Variants in GRTP1 observed in about 807,000 individuals in gnomAD.
The protein encoded by GRTP1 is growth hormone-regulated TBC protein 1.
A neutral mutation model predicts 38.1 loss-of-function variants in GRTP1; 56 were observed. The observed-to-expected ratio is 1.47, with a 90% CI of 1.19 to 1.84. GRTP1 has a LOEUF of 1.84. Ranked by LOEUF, GRTP1 falls within the 40% of genes most tolerant of loss-of-function variation. The pLI is 0.00. For synonymous variants in GRTP1, 217 were observed against 189.5 expected, an observed-to-expected ratio of 1.14 and a Z score of -1.19; for missense variants, 506 against 453.9, an observed-to-expected ratio of 1.11 and a Z score of -1.04.
intron 3 of GRTP1, 41 bp from the exon 4 acceptor site, chr13:113,351,014 C>T: frequency 1.9e-6 from 3 of 1,609,640 alleles, no homozygotes; most frequent in Non-Finnish European, 2.5e-6. Context: ...GGTTTCTGTT[C>T]CACAAGCCTC....
In GRTP1 at chr13:113,325,756, A is replaced by G; in HGVS notation, c.826T>C (p.Leu276=). 10 of 1,613,940 alleles carry G rather than the reference A, an allele frequency of 6.2e-6. No homozygotes were observed. Among genetic ancestry groups the G allele is most frequent in the Non-Finnish European group, 8.5e-6 (10 of 1,179,950 alleles). ...GGAACGCTGGTGGCTTCCAAAATCA[A>G]CTCCTGGTGCTGCTTAATTAAGGTC... ...ALTLIKQHQE[L]ILEATSVPDI... The change falls in exon 7 of 8, where the codon TTG becomes CTG. Residue 276 remains leucine (L), a synonymous_variant. Transcript: ENST00000375431.
At chr13:113,333,838 A>AGT (rs1555314877) in intron 5 of GRTP1, among the ~76,000 whole-genome samples, 20 of 23,594 alleles carry the variant, frequency 8.5e-4, no homozygotes, top group African/African-American at 1.3e-3. Flanking sequence ...TTATTTATTT[A>AGT]GTGTGTGTGT....
At chr13:113,332,786 G>C (rs1595479325) in intron 5 of GRTP1, among the ~76,000 whole-genome samples, 1 of 152,250 alleles carries the variant, frequency 6.6e-6, no homozygotes, top group African/African-American at 2.4e-5. Flanking sequence ...GCCCAGAGTA[G>C]CCTGTCCTGC....
intron 4 of GRTP1, among the ~76,000 whole-genome samples, chr13:113,345,978 TTTTGTGGCCGA>T (rs1566428478): frequency 7.3e-6 from 1 of 137,728 alleles, no homozygotes; most frequent in Admixed American, 7.1e-5. Flanking sequence ...CCAGGAGGAC[TTTTGTGGCCGA>T]GAGTGGACCC....
intron 2 of GRTP1, among the ~76,000 whole-genome samples, chr13:113,358,370 G>A (rs1247059922): frequency 6.6e-6 from 1 of 152,110 alleles, no homozygotes; most frequent in Non-Finnish European, 1.5e-5. Context: ...AGATTGCAAG[G>A]CTCACTCTTA....
At chr13:113,345,872 A>G (rs184088438) in intron 4 of GRTP1, among the ~76,000 whole-genome samples, 1 of 152,326 alleles carries the variant, frequency 6.6e-6, no homozygotes, top group Admixed American at 6.5e-5. Flanking sequence ...AGAGAAGATC[A>G]TGTTCCAGAA....
rs114129375 is a variant in GRTP1, at chr13:113,329,804, G to T, written c.563-3713C>A. On this transcript the variant is annotated intron_variant, in intron 5 of 7. Coordinates refer to ENST00000375431, the MANE Select transcript of GRTP1 (RefSeq NM_024719.4). ...ACTGATAGGGGTAGTGGGCGGTTCC[G>T]ATCTTTATCTAGACTTCTCCCTCTT... Among the ~76,000 whole-genome samples, 6 of 152,316 alleles carry T rather than the reference G, an allele frequency of 3.9e-5. No homozygotes were observed. The East Asian group carries it at 9.6e-4, about 24-fold the overall frequency.
intron 2 of GRTP1, among the ~76,000 whole-genome samples, chr13:113,357,950 G>T (rs543120301): frequency 6.6e-6 from 1 of 152,188 alleles, no homozygotes; most frequent in Admixed American, 6.6e-5. Context: ...AGGCCAAGGC[G>T]GGTGGATCAC....
chr13:113,347,963 G>T (rs540263554), intron 4 of GRTP1, among the ~76,000 whole-genome samples: 33 of 151,316 alleles, frequency 2.2e-4, no homozygotes, highest in African/African-American at 7.3e-4. Context: ...GACCCGGGAG[G>T]ACCTCTGTGG....
chr13:113,332,447 C>T (rs1450959409), intron 5 of GRTP1, among the ~76,000 whole-genome samples: 3 of 129,640 alleles, frequency 2.3e-5, no homozygotes, highest in South Asian at 5.0e-4. Context: ...CACGTGCACA[C>T]GCACACCTGC....
At position 113,345,671 on chromosome 13, in the gene GRTP1, T is replaced by C. The variant is rs140519549; in HGVS notation, c.466-712A>G. On this transcript the variant is annotated intron_variant, in intron 4 of 7. Transcript: ENST00000375431. The stretch of plus-strand genomic sequence containing the variant: ...CAAGATCAATTCACGTGATCGGAAG[T>C]GCGGAGGGGCAGCTGCAGAGAGCGA... Among the ~76,000 whole-genome samples the C allele has an allele frequency of 2.3e-4, 35 of 152,246 alleles. 1 individual carries two copies. In the East Asian group the frequency reaches 6.6e-3, roughly 29 times the overall value.
chr13:113,331,112 GGGTGTGTGCACGAAAGCCTA>G (rs2042864437), intron 5 of GRTP1, among the ~76,000 whole-genome samples: 2 of 147,360 alleles, frequency 1.4e-5, no homozygotes, highest in East Asian at 2.1e-4. Context: ...ATGGGAGCCC[GGGTGTGTGCACGAAAGCCTA>G]GGTGTGTGCA....
At chr13:113,335,906 C>T (rs568918308) in intron 5 of GRTP1, among the ~76,000 whole-genome samples, 2 of 152,264 alleles carry the variant, frequency 1.3e-5, no homozygotes, top group Admixed American at 6.5e-5. Context: ...GATTCTCCTG[C>T]CTCAGCCTCC....
At chr13:113,353,316 C>T (rs1318074545) in intron 3 of GRTP1, among the ~76,000 whole-genome samples, 2 of 152,250 alleles carry the variant, frequency 1.3e-5, no homozygotes, top group African/African-American at 4.8e-5. Flanking sequence ...TACCCAGGCT[C>T]ACGGCCATGC....
intron 5 of GRTP1, among the ~76,000 whole-genome samples, chr13:113,326,897 G>A (rs1475427505): frequency 6.6e-6 from 1 of 152,200 alleles, no homozygotes; most frequent in Non-Finnish European, 1.5e-5. Flanking sequence ...GGGAGGGAGT[G>A]ACAGGACCGA....
intron 3 of GRTP1, 126 bp from the exon 4 acceptor site, chr13:113,351,099 G>A (rs922090408): frequency 1.4e-5 from 17 of 1,220,986 alleles, no homozygotes; most frequent in African/African-American, 3.0e-5. Context: ...CACCCTGGCC[G>A]CACAGCAGAC....
Position 113,349,601 on chromosome 13 carries a change from C to T in GRTP1, c.465+1248G>A, listed in dbSNP as rs547112660. Among the ~76,000 whole-genome samples the T allele has an allele frequency of 6.6e-6, 1 of 152,346 alleles. No homozygotes were observed. Among genetic ancestry groups the T allele is most frequent in the South Asian group, 2.1e-4 (1 of 4,824 alleles). On this transcript the variant is annotated intron_variant, in intron 4 of 7. Coordinates refer to ENST00000375431, the MANE Select transcript of GRTP1 (RefSeq NM_024719.4). The surrounding 1 kb of genome is among the most constrained non-coding windows in gnomAD (Gnocchi z 5.0). ...CCAGCTTCACCCGACACGGCACTGC[C>T]AGCCAGCTACAGAGCCACACACGCA...
intron 7 of GRTP1, chr13:113,325,357 A>C (rs2042743943): frequency 1.4e-6 from 2 of 1,426,146 alleles, no homozygotes; most frequent in South Asian, 3.1e-5. Flanking sequence ...TCCAGGACCC[A>C]GTGGGGAGGC....
At chr13:113,339,158 C>G (rs1463326631) in intron 5 of GRTP1, among the ~76,000 whole-genome samples, 2 of 152,148 alleles carry the variant, frequency 1.3e-5, no homozygotes, top group Non-Finnish European at 2.9e-5. Flanking sequence ...AGGTGATCCA[C>G]CCACCTCAGC....
Sources: gnomAD v4.1 joint callset for allele counts (sites outside exome capture counted in the v4.1 genomes callset) on GRCh38, gnomAD v4.1.1 for gene constraint, Gnocchi (gnomAD v3.1) non-coding constraint, MANE v1.5 for transcripts, NCBI Gene and HGNC (gene_info 2026-07-23, HGNC 2026-07-21) for gene names.